ZMAT4: variants seen among roughly 807,000 people sequenced by gnomAD.
ZMAT4 encodes the protein zinc finger matrin-type protein 4.
ZMAT4 carries 17 observed loss-of-function variants against 28.7 expected under a neutral mutation model. That is an observed-to-expected ratio of 0.59 (90% CI 0.41 to 0.89). ZMAT4 has a LOEUF of 0.89. Among genes scored for constraint, ZMAT4 ranks in the 40% least tolerant of loss-of-function variants. ZMAT4 has a pLI of 0.00. For missense variants in ZMAT4, 240 were observed against 283.8 expected, an observed-to-expected ratio of 0.85 and a Z score of 1.11; for synonymous variants, 117 against 109.2, an observed-to-expected ratio of 1.07 and a Z score of -0.44.
At chr8:40,533,759 C>T (rs1397854349) in intron 6 of ZMAT4, among the ~76,000 whole-genome samples, 1 of 152,134 alleles carries the variant, frequency 6.6e-6, no homozygotes, top group East Asian at 1.9e-4. Flanking sequence ...TAGCATGACC[C>T]TGGTAGCTAT....
chr8:40,724,159 C>T (rs1452492340), intron 3 of ZMAT4, among the ~76,000 whole-genome samples: 1 of 152,122 alleles, frequency 6.6e-6, no homozygotes, highest in African/African-American at 2.4e-5. Flanking sequence ...TTTCAGTTCT[C>T]TGTCCAGCAA....
chr8:40,677,881 C>G (rs1324888448), intron 4 of ZMAT4, among the ~76,000 whole-genome samples: 1 of 151,942 alleles, frequency 6.6e-6, no homozygotes. Flanking sequence ...CTTTACCTGC[C>G]CTTTATATAG....
intron 5 of ZMAT4, among the ~76,000 whole-genome samples, chr8:40,592,719 A>G (rs1160047543): frequency 1.3e-5 from 2 of 152,186 alleles, no homozygotes; most frequent in East Asian, 1.9e-4. Context: ...GAAGATTCAG[A>G]TGGGACACAG....
At chr8:40,559,005 A>G (rs1292874592) in intron 6 of ZMAT4, among the ~76,000 whole-genome samples, 15 of 152,198 alleles carry the variant, frequency 9.9e-5, no homozygotes, top group South Asian at 2.1e-4. Flanking sequence ...CCTGCACTTA[A>G]AGAATAAACT....
chr8:40,769,301 AAG>A (rs1352260307), intron 2 of ZMAT4, among the ~76,000 whole-genome samples: 1 of 152,174 alleles, frequency 6.6e-6, no homozygotes, highest in East Asian at 1.9e-4. Context: ...AAGATTTTTT[AAG>A]AGAAACAGAC....
chr8:40,814,878 A>T (rs193282022), intron 2 of ZMAT4, among the ~76,000 whole-genome samples: 1 of 152,374 alleles, frequency 6.6e-6, no homozygotes, highest in Admixed American at 6.5e-5. Flanking sequence ...ATATTCACAT[A>T]TTTATACTCA....
intron 5 of ZMAT4, among the ~76,000 whole-genome samples, chr8:40,601,636 G>A (rs867470658): frequency 3.2e-4 from 7 of 21,816 alleles, no homozygotes; most frequent in African/African-American, 5.8e-4. Flanking sequence ...GAAAGAAAGA[G>A]AAAGAAAGAA....
chr8:40,581,356 G>T lies in ZMAT4; in HGVS notation c.578-95C>A, dbSNP rs996108109. 3.9e-6 allele frequency: 4 copies of T among 1,022,024 alleles called. No homozygotes were observed. The African/African-American group carries it at 4.7e-5, about 12-fold the overall frequency. 63.3% of individuals were successfully genotyped at this position (1,022,024 alleles called of 1,614,324 possible). Reference sequence around the variant, plus strand: ...CCAGAAGTTCAGGGACACAGTGTCGGAGATAACTCCTGATCTACCCCACCA... The same window carrying T: ...CCAGAAGTTCAGGGACACAGTGTCGTAGATAACTCCTGATCTACCCCACCA... On this transcript the variant is annotated intron_variant, in intron 5 of 6. Transcript: ENST00000297737.
At chr8:40,580,190 T>C (rs1277477187) in intron 6 of ZMAT4, among the ~76,000 whole-genome samples, 2 of 151,910 alleles carry the variant, frequency 1.3e-5, no homozygotes, top group African/African-American at 4.8e-5. Flanking sequence ...TTTTTTGTAT[T>C]TTTAGTAGAG....
chr8:40,634,050 T>C (rs1806699473), intron 5 of ZMAT4, among the ~76,000 whole-genome samples: 1 of 152,182 alleles, frequency 6.6e-6, no homozygotes, highest in Admixed American at 6.5e-5. Context: ...GAACCACTGC[T>C]GTCCACATGC....
intron 3 of ZMAT4, among the ~76,000 whole-genome samples, chr8:40,763,989 A>AC (rs144605392): frequency 0.16 from 24,071 of 149,406 alleles, 3,029 homozygotes; most frequent in East Asian, 0.6. Context: ...TCACACACAC[A>AC]AAAAAAAAAC....
chr8:40,892,595 G>T (rs1818734921), intron 1 of ZMAT4, among the ~76,000 whole-genome samples: 1 of 152,222 alleles, frequency 6.6e-6, no homozygotes, highest in Non-Finnish European at 1.5e-5. Context: ...TTGGAAACAA[G>T]AAGAAAATGA....
rs142598751 is a variant in ZMAT4 at position 40,555,778 on chromosome 8, C to A, written c.675-23540G>T. Among the ~76,000 whole-genome samples the A allele has an allele frequency of 9.3e-3, 1,410 of 152,224 alleles. 8 individuals carry two copies. The highest frequency in any genetic ancestry group is 0.015 in the Non-Finnish European group (1,047 of 67,998). On this transcript the variant is annotated intron_variant, in intron 6 of 6. Coordinates refer to ENST00000297737, the MANE Select transcript of ZMAT4 (RefSeq NM_024645.3). ...CCTCCTTCACTAGATGAATAATAGACTATGGTCTCTTCTATTCTTCCCCAA... is the reference window on the plus strand; with the variant it reads ...CCTCCTTCACTAGATGAATAATAGAATATGGTCTCTTCTATTCTTCCCCAA...
chr8:40,593,355 G>A (rs1411261807), intron 5 of ZMAT4, among the ~76,000 whole-genome samples: 2 of 152,170 alleles, frequency 1.3e-5, no homozygotes, highest in African/African-American at 4.8e-5. Flanking sequence ...ACTATCTGGG[G>A]TGGTAGAAAG....
intron 2 of ZMAT4, among the ~76,000 whole-genome samples, chr8:40,818,256 A>G (rs941255879): frequency 2.0e-5 from 3 of 152,250 alleles, no homozygotes; most frequent in South Asian, 2.1e-4. Context: ...CCCTGCTGGA[A>G]TAAAACAAAA....
chr8:40,801,365 T>TATATATATATATAC (rs1554559774), intron 2 of ZMAT4, among the ~76,000 whole-genome samples: 1 of 144,374 alleles, frequency 6.9e-6, no homozygotes, highest in African/African-American at 2.6e-5. Context: ...TATATATATA[T>TATATATATATATAC]ATATATACAT....
intron 6 of ZMAT4, among the ~76,000 whole-genome samples, chr8:40,533,144 A>G (rs1185736140): frequency 6.6e-6 from 1 of 152,178 alleles, no homozygotes; most frequent in East Asian, 1.9e-4. Flanking sequence ...TTTTACATTT[A>G]CTTTACATTT....
At chr8:40,653,600 C>T (rs1807783807) in intron 5 of ZMAT4, among the ~76,000 whole-genome samples, 1 of 151,930 alleles carries the variant, frequency 6.6e-6, no homozygotes, top group African/African-American at 2.4e-5. Flanking sequence ...AATGATCTTA[C>T]AGAAATAGAA....
chr8:40,614,299 T>C (rs898634048), intron 5 of ZMAT4, among the ~76,000 whole-genome samples: 3 of 152,188 alleles, frequency 2.0e-5, no homozygotes, highest in Non-Finnish European at 1.5e-5. Flanking sequence ...TACAATAACA[T>C]AAAATCCTTG....
Sources: gnomAD v4.1 joint callset for allele counts (sites outside exome capture counted in the v4.1 genomes callset) on GRCh38, gnomAD v4.1.1 for gene constraint, MANE v1.5 for transcripts, NCBI Gene and HGNC (gene_info 2026-07-23, HGNC 2026-07-21) for gene names.